RPH3A: variants seen among roughly 807,000 people sequenced by gnomAD.
The protein encoded by RPH3A is rabphilin 3A.
RPH3A carries 48 observed loss-of-function variants against 102.2 expected under a neutral mutation model. The ratio of observed to expected loss-of-function variants is 0.47; its 90% CI spans 0.37 to 0.60. RPH3A has a LOEUF of 0.60. RPH3A is among the 20% of genes least tolerant of loss of function. RPH3A has a pLI of 0.00. For missense variants in RPH3A, 781 were observed against 910.1 expected (o/e 0.86, Z 1.83); for synonymous variants, 310 against 324.3 (o/e 0.96, Z 0.47).
chr12:112,799,848 T>C (rs1399221710), intron 2 of RPH3A, among the ~76,000 whole-genome samples: 2 of 152,138 alleles, frequency 1.3e-5, no homozygotes, highest in Non-Finnish European at 1.5e-5. Context: ...AACACGGAGT[T>C]TGTGATTCAG....
At chr12:112,812,985 C>A (rs2136124245) in intron 2 of RPH3A, among the ~76,000 whole-genome samples, 1 of 152,328 alleles carries the variant, frequency 6.6e-6, no homozygotes, top group African/African-American at 2.4e-5. Context: ...TTTATTTAAC[C>A]ATGTGCCAGG....
chr12:112,728,911 G>A (rs1188120476), intron 1 of RPH3A, among the ~76,000 whole-genome samples: 1 of 152,164 alleles, frequency 6.6e-6, no homozygotes, highest in Non-Finnish European at 1.5e-5. Flanking sequence ...GGAATGGGCA[G>A]GGAACTTCCC....
At position 112,765,246 on chromosome 12, in the gene RPH3A, T is replaced by TTGTGTGTGTGTG. The variant is rs34294777; in HGVS notation, c.-139-26869_-139-26858dup. On this transcript the variant is annotated intron_variant, in intron 1 of 21. Coordinates refer to the RPH3A transcript ENST00000543106. ...AGGTGCAATGTTTCAGTCATGGTGA[T>TTGTGTGTGTGTG]TGTGTGTGTGTGTGTGTGTGTGTGT... Among the ~76,000 whole-genome samples the TTGTGTGTGTGTG allele has an allele frequency of 1.5e-3, 213 of 141,748 alleles. 1 individual carries two copies. The highest frequency in any genetic ancestry group is 5.0e-3 in the African/African-American group (188 of 37,844). 93.0% of individuals were successfully genotyped at this position (141,748 alleles called of 152,430 possible). A position where few individuals can be genotyped will look rare whatever the true frequency, so the allele number is the denominator to read the frequency against.
At chr12:112,828,718 C>T (rs762037834) in intron 3 of RPH3A, among the ~76,000 whole-genome samples, 5 of 152,178 alleles carry the variant, frequency 3.3e-5, no homozygotes, top group South Asian at 2.1e-4. Context: ...CTTCCCCTCT[C>T]GGGGCCCTAG....
At chr12:112,640,450 C>CTTTTCCCCAT (rs1194200868) in intron 1 of RPH3A, among the ~76,000 whole-genome samples, 1 of 150,582 alleles carries the variant, frequency 6.6e-6, no homozygotes, top group South Asian at 2.1e-4. Context: ...AATGATCCCT[C>CTTTTCCCCAT]CTTTCACCCT....
intron 2 of RPH3A, among the ~76,000 whole-genome samples, chr12:112,820,212 C>T (rs2041753688): frequency 6.6e-6 from 1 of 152,182 alleles, no homozygotes; most frequent in Admixed American, 6.5e-5. Flanking sequence ...TTTCCAATCA[C>T]ATCATATAAG....
At chr12:112,856,115 C>T (rs1478164658) in intron 5 of RPH3A, among the ~76,000 whole-genome samples, 1 of 152,202 alleles carries the variant, frequency 6.6e-6, no homozygotes, top group Non-Finnish European at 1.5e-5. Context: ...GATTCAGAGA[C>T]TGGCACATAA....
At chr12:112,803,082 G>A (rs190912862) in intron 2 of RPH3A, among the ~76,000 whole-genome samples, 159 of 152,244 alleles carry the variant, frequency 1.0e-3, no homozygotes, top group African/African-American at 3.5e-3. Context: ...TCATGGCAGC[G>A]GGTCTGGATG....
chr12:112,676,626 G>A (rs1021208709), intron 1 of RPH3A, among the ~76,000 whole-genome samples: 5 of 152,208 alleles, frequency 3.3e-5, no homozygotes, highest in Non-Finnish European at 7.3e-5. Flanking sequence ...CTCTCTGGAG[G>A]AAACCTGAAG....
chr12:112,830,995 T>C (rs2041961155), intron 3 of RPH3A, among the ~76,000 whole-genome samples: 1 of 152,086 alleles, frequency 6.6e-6, no homozygotes, highest in Non-Finnish European at 1.5e-5. Flanking sequence ...GACCAAATAG[T>C]AAATATTTCA....
At chr12:112,777,046 T>C (rs1056683206) in intron 1 of RPH3A, among the ~76,000 whole-genome samples, 1 of 152,164 alleles carries the variant, frequency 6.6e-6, no homozygotes, top group Non-Finnish European at 1.5e-5. Flanking sequence ...TACATTGCAA[T>C]GTGAAGTCAC....
chr12:112,781,968 T>C (rs986627173), intron 1 of RPH3A, among the ~76,000 whole-genome samples: 1 of 152,248 alleles, frequency 6.6e-6, no homozygotes, highest in African/African-American at 2.4e-5. Context: ...GGTGGTCAGT[T>C]GTCTCTCCCA....
At chr12:112,827,338 T>C (rs1311839424) in intron 2 of RPH3A, among the ~76,000 whole-genome samples, 2 of 152,244 alleles carry the variant, frequency 1.3e-5, no homozygotes, top group Non-Finnish European at 2.9e-5. Flanking sequence ...TTCTTTCAGT[T>C]AGCATCATGT....
At position 112,701,756 on chromosome 12, in the gene RPH3A, C is replaced by T. The variant is rs1298361731; in HGVS notation, c.-139-90387C>T. On this transcript the variant is annotated intron_variant, in intron 1 of 21. Transcript: ENST00000543106. ...ACAAAGAGACAGTAATGAAACATAA[C>T]AAAGAAGAGATGTGGTTCGTCAGAA... 1.3e-5 allele frequency among the ~76,000 whole-genome samples: 2 copies of T among 152,256 alleles called. 1 individual carries two copies.
At chr12:112,818,228 A>G (rs926753899) in intron 2 of RPH3A, among the ~76,000 whole-genome samples, 7 of 146,354 alleles carry the variant, frequency 4.8e-5, no homozygotes, top group Admixed American at 4.1e-4. Flanking sequence ...AGAATCCGGG[A>G]GGCAGAGCTT....
chr12:112,716,931 C>A lies in RPH3A; in HGVS notation c.-139-75212C>A, dbSNP rs114698990. 1.2e-3 allele frequency among the ~76,000 whole-genome samples: 181 copies of A among 152,294 alleles called. 2 individuals carry two copies. Among genetic ancestry groups the A allele is most frequent in the African/African-American group, 3.9e-3 (162 of 41,554 alleles). ...TAGTGGACAAGACAAGCAAGTAACT[C>A]TAATTCTTGGAGCTTTGCCTGGAGT... On this transcript the variant is annotated intron_variant, in intron 1 of 21. Coordinates refer to the RPH3A transcript ENST00000543106.
At chr12:112,730,020 T>TACAC (rs377542679) in intron 1 of RPH3A, among the ~76,000 whole-genome samples, 12 of 150,444 alleles carry the variant, frequency 8.0e-5, no homozygotes, top group Admixed American at 3.3e-4. Context: ...CACACACACA[T>TACAC]ACACACACAC....
chr12:112,725,083 T>C lies in RPH3A; in HGVS notation c.-139-67060T>C, dbSNP rs533137873. On this transcript the variant is annotated intron_variant, in intron 1 of 21. Transcript: ENST00000543106. Reference sequence around the variant, plus strand: ...GGCCAACATGGTGAAACCCCGTCTCTACTAAAAATACAAAAATTAGCCGGG... The same window carrying C: ...GGCCAACATGGTGAAACCCCGTCTCCACTAAAAATACAAAAATTAGCCGGG... Among the ~76,000 whole-genome samples the C allele has an allele frequency of 4.4e-4, 66 of 151,332 alleles. No homozygotes were observed. The South Asian group carries it at 0.012, about 27-fold the overall frequency.
At chr12:112,670,477 GTA>G (rs923891486) in intron 1 of RPH3A, among the ~76,000 whole-genome samples, 1 of 152,102 alleles carries the variant, frequency 6.6e-6, no homozygotes, top group Non-Finnish European at 1.5e-5. Flanking sequence ...AAATAAGAGG[GTA>G]TATATATTAG....
Sources: gnomAD v4.1 joint callset for allele counts (sites outside exome capture counted in the v4.1 genomes callset) on GRCh38, gnomAD v4.1.1 for gene constraint, MANE v1.5 for transcripts, NCBI Gene and HGNC (gene_info 2026-07-23, HGNC 2026-07-21) for gene names.